Variants in OPCML observed in about 807,000 individuals in gnomAD.
The protein encoded by OPCML is opioid binding protein/cell adhesion molecule like, also known as opioid-binding protein/cell adhesion molecule.
A neutral mutation model predicts 37.8 loss-of-function variants in OPCML; 13 were observed. The observed-to-expected ratio is 0.34, with a 90% CI of 0.22 to 0.55. OPCML has a LOEUF of 0.55. OPCML is among the 20% of genes least tolerant of loss of function. OPCML has a pLI of 0.91. For missense variants in OPCML, 341 were observed against 435.6 expected, an observed-to-expected ratio of 0.78 and a Z score of 1.93; for synonymous variants, 176 against 168.8, an observed-to-expected ratio of 1.04 and a Z score of -0.33.
chr11:132,972,968 A>G (rs899478141), intron 1 of OPCML, among the ~76,000 whole-genome samples: 1 of 152,200 alleles, frequency 6.6e-6, no homozygotes, highest in African/African-American at 2.4e-5. Context: ...CTGAGTGTAC[A>G]CAGGTCTGAG....
At chr11:132,879,625 T>C (rs1337118741) in intron 2 of OPCML, among the ~76,000 whole-genome samples, 1 of 152,124 alleles carries the variant, frequency 6.6e-6, no homozygotes, top group Non-Finnish European at 1.5e-5. Context: ...AATAACAAAG[T>C]TTGGTGTGAA....
At chr11:132,539,707 T>C (rs987624270) in intron 3 of OPCML, among the ~76,000 whole-genome samples, 3 of 152,012 alleles carry the variant, frequency 2.0e-5, no homozygotes. Flanking sequence ...TTGATGATAA[T>C]GGTTATGGTG....
At chr11:133,399,027 T>C (rs1233847037) in intron 1 of OPCML, among the ~76,000 whole-genome samples, 1 of 152,168 alleles carries the variant, frequency 6.6e-6, no homozygotes, top group East Asian at 1.9e-4. Context: ...GTTGAAATAG[T>C]TCTTAACACA....
intron 1 of OPCML, among the ~76,000 whole-genome samples, chr11:133,207,944 G>GT (rs1273410039): frequency 1.3e-5 from 2 of 152,106 alleles, no homozygotes; most frequent in Non-Finnish European, 2.9e-5. Flanking sequence ...TTCATGCTGT[G>GT]TTTTTGCCTG....
intron 3 of OPCML, among the ~76,000 whole-genome samples, chr11:132,562,811 T>A (rs2137514544): frequency 6.6e-6 from 1 of 152,236 alleles, no homozygotes; most frequent in East Asian, 1.9e-4. Flanking sequence ...TGACTCAGGC[T>A]GAGCAAATTT....
rs562841333 is a variant in OPCML at position 133,422,486 on chromosome 11, C to T, written c.61+109778G>A. The T allele has an allele frequency of 3.2e-4, 311 of 982,888 alleles. 3 individuals are homozygous for T. In the South Asian group the frequency reaches 0.013, roughly 42 times the overall value. 60.9% of individuals were successfully genotyped at this position (982,888 alleles called of 1,614,324 possible). Reference sequence around the variant, plus strand: ...GGAAGTCTTACCCATGTTAGCTTAGCGTCTTGCTAGGAACCACTCATTTCT... The same window carrying T: ...GGAAGTCTTACCCATGTTAGCTTAGTGTCTTGCTAGGAACCACTCATTTCT... On this transcript the variant is annotated intron_variant, in intron 1 of 7. Coordinates refer to ENST00000524381, the MANE Select transcript of OPCML (RefSeq NM_001012393.5).
In OPCML at chr11:132,833,622, T is replaced by C. The variant is rs532064238; in HGVS notation, c.146+109304A>G. Among the ~76,000 whole-genome samples, 5 of 152,382 alleles carry C rather than the reference T, an allele frequency of 3.3e-5. 1 individual carries two copies. Among genetic ancestry groups the C allele is most frequent in the Admixed American group, 2.6e-4 (4 of 15,312 alleles). On this transcript the variant is annotated intron_variant, in intron 2 of 7. Coordinates refer to ENST00000524381, the MANE Select transcript of OPCML (RefSeq NM_001012393.5). The stretch of plus-strand genomic sequence containing the variant: ...GCTTAATGTGCCTTACATAATTGTA[T>C]GTGCTCTAACTTCATAAGACTGGCA...
chr11:133,140,937 A>AGACGAAGAC (rs1276472397), intron 1 of OPCML, among the ~76,000 whole-genome samples: 3 of 16,704 alleles, frequency 1.8e-4, no homozygotes, highest in African/African-American at 3.9e-4. Context: ...ACGACGAAGA[A>AGACGAAGAC]GAAGAAGACG....
In OPCML at chr11:133,113,440, A is replaced by AT. The variant is rs1303198436; in HGVS notation, c.62-170431dup. ...GAACAAGGAAGCAGGAGAGAAAAAA[A>AT]TAACAGAACTACATTTGTTTTTAGA... On this transcript the variant is annotated intron_variant, in intron 1 of 7. Transcript: ENST00000524381. Among the ~76,000 whole-genome samples the AT allele has an allele frequency of 2.0e-5, 3 of 152,246 alleles. No individual in the cohort carries two copies. In the East Asian group the frequency reaches 5.8e-4, roughly 29 times the overall value.
At chr11:132,820,448 A>G (rs1239206100) in intron 2 of OPCML, among the ~76,000 whole-genome samples, 1 of 152,182 alleles carries the variant, frequency 6.6e-6, no homozygotes, top group Non-Finnish European at 1.5e-5. Context: ...CTTCAAGAAA[A>G]CTAAGGACTT....
chr11:132,425,470 GT>G (rs2095974984), intron 7 of OPCML, among the ~76,000 whole-genome samples: 1 of 152,188 alleles, frequency 6.6e-6, no homozygotes, highest in African/African-American at 2.4e-5. Flanking sequence ...CTCTGAAACA[GT>G]TTATTTTATG....
chr11:133,431,027 AAACACAG>A (rs1426530483), intron 1 of OPCML, among the ~76,000 whole-genome samples: 2 of 152,200 alleles, frequency 1.3e-5, no homozygotes, highest in African/African-American at 4.8e-5. Flanking sequence ...AATATGATAT[AAACACAG>A]AGGCAAAAAA....
At chr11:132,516,457 A>G (rs1337984961) in intron 4 of OPCML, among the ~76,000 whole-genome samples, 1 of 152,112 alleles carries the variant, frequency 6.6e-6, no homozygotes, top group Non-Finnish European at 1.5e-5. Context: ...TACGATGGAT[A>G]CATGTGTGTG....
At chr11:132,728,169 A>G (rs1591525590) in intron 2 of OPCML, among the ~76,000 whole-genome samples, 1 of 149,884 alleles carries the variant, frequency 6.7e-6, no homozygotes, top group African/African-American at 2.4e-5. Context: ...CAGCCCGCCC[A>G]CCCCGGACAG....
chr11:133,320,340 C>T (rs1387547896), intron 1 of OPCML, among the ~76,000 whole-genome samples: 1 of 152,182 alleles, frequency 6.6e-6, no homozygotes, highest in Non-Finnish European at 1.5e-5. Context: ...TCCCATGGAA[C>T]TCAAGTCAGG....
intron 1 of OPCML, among the ~76,000 whole-genome samples, chr11:133,333,025 C>T (rs1943656232): frequency 6.6e-6 from 1 of 151,824 alleles, no homozygotes; most frequent in South Asian, 2.1e-4. Context: ...ACTATCTAAT[C>T]TTTTAGTAGT....
intron 4 of OPCML, among the ~76,000 whole-genome samples, chr11:132,495,768 G>A (rs972044786): frequency 2.6e-5 from 4 of 151,700 alleles, no homozygotes; most frequent in Admixed American, 6.6e-5. Context: ...AGTGGCGGGC[G>A]CCTGTGGTCC....
At chr11:133,080,150 A>G (rs565699168) in intron 1 of OPCML, among the ~76,000 whole-genome samples, 1 of 152,294 alleles carries the variant, frequency 6.6e-6, no homozygotes, top group Admixed American at 6.5e-5. Flanking sequence ...CACAAGAGCT[A>G]CAGCAACCCA....
chr11:133,501,025 A>G (rs1947899303), intron 1 of OPCML, among the ~76,000 whole-genome samples: 1 of 151,962 alleles, frequency 6.6e-6, no homozygotes, highest in Non-Finnish European at 1.5e-5. Context: ...AAAAGAAAAA[A>G]CAAAAACCTG....
Sources: allele counts gnomAD v4.1 joint callset (sites outside exome capture counted in the v4.1 genomes callset), GRCh38; gene constraint gnomAD v4.1.1; transcripts MANE v1.5; gene names NCBI Gene and HGNC (gene_info 2026-07-23, HGNC 2026-07-21).